Variants in RPL31 observed in about 807,000 individuals in gnomAD.
RPL31 encodes ribosomal protein L31, also known as large ribosomal subunit protein eL31.
For synonymous variants in RPL31, 51 were observed against 55.0 expected (o/e 0.93, Z 0.32); for missense variants, 95 against 164.0 (o/e 0.58, Z 2.30).
Position 101,006,630 on chromosome 2 carries a change from A to C in RPL31, c.*249A>C, listed in dbSNP as rs1179124280. ...CTGAAGGCATATTGTTAATTATTCT[A>C]CTTGTATGTTTTGCTAATTCTAAGA... On this transcript the variant is annotated 3_prime_UTR_variant, in exon 5 of 5. Transcript: ENST00000264258. 11 of 410,484 alleles carry C rather than the reference A, an allele frequency of 2.7e-5. No individual in the cohort carries two copies. In the East Asian group the frequency reaches 3.8e-4, roughly 14 times the overall value. The allele number at this position is 410,484 out of a possible 1,614,324, so 25.4% of individuals were successfully genotyped here.
At chr2:101,008,138 T>C, downstream of RPL31, 1 of 1,613,874 alleles carries the variant, frequency 6.2e-7, no homozygotes, top group Non-Finnish European at 8.5e-7. Flanking sequence ...CTTCCAGAGC[T>C]GCTGCCTCGC....
At chr2:101,018,984 TA>T in intron 4 of RPL31, 1 of 1,611,320 alleles carries the variant, frequency 6.2e-7, no homozygotes, top group Non-Finnish European at 8.5e-7. Context: ...TCATCTGTAA[TA>T]TTTCTGTGCT....
chr2:101,011,461 C>G, downstream of RPL31: 1 of 1,613,884 alleles, frequency 6.2e-7, no homozygotes, highest in Non-Finnish European at 8.5e-7. Context: ...CATTGGGTTT[C>G]CCGAAAACCA....
chr2:101,007,717 T>C (rs565823881), downstream of RPL31: 9 of 1,193,388 alleles, frequency 7.5e-6, no homozygotes, highest in Admixed American at 6.4e-5. Flanking sequence ...AGATGCCCCA[T>C]TGGTAAGGTA....
chr2:101,018,047 G>A, intron 4 of RPL31: 1 of 1,004,794 alleles, frequency 1.0e-6, no homozygotes. Flanking sequence ...CTTTTTCACT[G>A]ACAAATGTAA....
At chr2:101,006,273 C>A in intron 4 of RPL31, 77 bp from the exon 5 acceptor site, 1 of 1,572,852 alleles carries the variant, frequency 6.4e-7, no homozygotes, top group Admixed American at 1.9e-5. Flanking sequence ...ATGCCCAGAC[C>A]CGTCTACAAA....
At chr2:101,019,655 G>A (rs1679904011) in exon 5 of RPL31, 1 of 152,020 alleles carries the variant, frequency 6.6e-6, no homozygotes. Flanking sequence ...TGTTCAAAAA[G>A]GTCTGAACAA....
chr2:101,007,988 C>A (rs1431497518), downstream of RPL31: 2 of 1,613,880 alleles, frequency 1.2e-6, no homozygotes, highest in African/African-American at 1.3e-5. Flanking sequence ...AAAATATGTT[C>A]AAGGGAGACA....
chr2:101,008,840 G>T (rs779494657), downstream of RPL31, among the ~76,000 whole-genome samples: 6 of 151,856 alleles, frequency 4.0e-5, no homozygotes, highest in African/African-American at 7.3e-5. Context: ...CCACAGCAAC[G>T]TACAGATTTA....
chr2:101,002,541 G>A, intron 1 of RPL31, 161 bp from the exon 2 acceptor site: 1 of 639,044 alleles, frequency 1.6e-6, no homozygotes, highest in African/African-American at 1.8e-5. Context: ...CATCTGAGGG[G>A]CGCAGGGGCG....
downstream of RPL31, chr2:101,010,910 C>T (rs1262499471): frequency 2.5e-6 from 4 of 1,580,310 alleles, no homozygotes; most frequent in South Asian, 4.5e-5. Flanking sequence ...TAATTCTCTG[C>T]ACTGAAGAAA....
intron 3 of RPL31, chr2:101,005,205 G>A (rs747793246): frequency 1.3e-5 from 2 of 152,326 alleles, no homozygotes; most frequent in South Asian, 2.1e-4. Flanking sequence ...GGCATCGATA[G>A]AGGAAAGAGA....
downstream of RPL31, among the ~76,000 whole-genome samples, chr2:101,011,925 A>C (rs1330300066): frequency 6.6e-6 from 1 of 152,222 alleles, no homozygotes; most frequent in Non-Finnish European, 1.5e-5. Flanking sequence ...TGGGTGGTGG[A>C]GTAATTGGTA....
chr2:101,014,123 G>A (rs972988649), intron 4 of RPL31, among the ~76,000 whole-genome samples: 2 of 152,032 alleles, frequency 1.3e-5, no homozygotes, highest in Non-Finnish European at 2.9e-5. Context: ...TTGACGATTT[G>A]GATACCAGGA....
downstream of RPL31, among the ~76,000 whole-genome samples, chr2:101,010,572 G>A (rs1443708800): frequency 2.0e-5 from 3 of 152,004 alleles, no homozygotes; most frequent in African/African-American, 7.3e-5. Flanking sequence ...TTGATTCTCA[G>A]ATTAATCATC....
downstream of RPL31, chr2:101,011,314 G>A (rs566542031): frequency 1.5e-3 from 1,370 of 925,260 alleles, no homozygotes; most frequent in Non-Finnish European, 2.0e-3. Flanking sequence ...TCCTCTAAAG[G>A]CAGTGAGTTT....
downstream of RPL31, among the ~76,000 whole-genome samples, chr2:101,009,406 CAA>C (rs70943054): frequency 2.6e-4 from 25 of 97,750 alleles, no homozygotes; most frequent in African/African-American, 3.2e-4. Context: ...ACTCTGTCTC[CAA>C]AAAAAAAAAA....
intron 4 of RPL31, chr2:101,018,913 T>C (rs1417104721): frequency 1.3e-6 from 2 of 1,535,718 alleles, no homozygotes; most frequent in East Asian, 2.4e-5. Flanking sequence ...CAGTGAAAAC[T>C]GTTGATGTCC....
At chr2:101,012,497 CAG>C (rs1679292455) in intron 4 of RPL31, among the ~76,000 whole-genome samples, 1 of 152,052 alleles carries the variant, frequency 6.6e-6, no homozygotes, top group African/African-American at 2.4e-5. Flanking sequence ...TCTACAGAAA[CAG>C]AAAGCTGCCT....
Sources: allele counts gnomAD v4.1 joint callset (sites outside exome capture counted in the v4.1 genomes callset), GRCh38; gene constraint gnomAD v4.1.1; transcripts MANE v1.5; gene names NCBI Gene and HGNC (gene_info 2026-07-23, HGNC 2026-07-21).